Variants in LRMDA observed in about 807,000 individuals in gnomAD.
LRMDA encodes the protein leucine-rich melanocyte differentiation-associated protein.
LRMDA carries 18 observed loss-of-function variants against 29.8 expected under a neutral mutation model. That is an observed-to-expected ratio of 0.60 (90% CI 0.42 to 0.90). LRMDA has a LOEUF of 0.90. Ranked by LOEUF, LRMDA falls within the 40% of genes least tolerant of loss-of-function variation. The probability of loss-of-function intolerance (pLI) is 0.00; values close to 1 mark genes in which losing one functional copy is unlikely to be tolerated. For synonymous variants in LRMDA, 125 were observed against 109.4 expected (o/e 1.14, Z -0.89); for missense variants, 273 against 273.9 (o/e 1.00, Z 0.02).
At chr10:76,021,319 A>G (rs1047037778) in intron 2 of LRMDA, among the ~76,000 whole-genome samples, 5 of 152,202 alleles carry the variant, frequency 3.3e-5, no homozygotes, top group South Asian at 2.1e-4. Flanking sequence ...GTGAAGATAA[A>G]ATGACCAGAC....
chr10:75,848,255 C>T (rs1844674950), intron 2 of LRMDA, among the ~76,000 whole-genome samples: 1 of 152,186 alleles, frequency 6.6e-6, no homozygotes, highest in African/African-American at 2.4e-5. Context: ...CATGCTACAG[C>T]ATGAATGAAC....
At chr10:75,673,215 T>C (rs1343731678) in intron 2 of LRMDA, among the ~76,000 whole-genome samples, 1 of 152,036 alleles carries the variant, frequency 6.6e-6, no homozygotes, top group African/African-American at 2.4e-5. Context: ...GGCTGTGGGG[T>C]TGAAGGTAAA....
At chr10:75,843,575 A>G (rs1333627683) in intron 2 of LRMDA, among the ~76,000 whole-genome samples, 1 of 152,210 alleles carries the variant, frequency 6.6e-6, no homozygotes, top group Non-Finnish European at 1.5e-5. Flanking sequence ...TCAGACACTC[A>G]GCTGTGAAGA....
chr10:76,540,018 C>T (rs752354638), intron 6 of LRMDA, among the ~76,000 whole-genome samples: 1 of 152,026 alleles, frequency 6.6e-6, no homozygotes, highest in Non-Finnish European at 1.5e-5. Flanking sequence ...TCCTTGTATA[C>T]ACATAACACA....
chr10:75,766,518 T>C lies in LRMDA; in HGVS notation c.132-269490T>C, dbSNP rs868111862. 3.9e-5 allele frequency among the ~76,000 whole-genome samples: 6 copies of C among 152,252 alleles called. No individual in the cohort carries two copies. In the South Asian group the frequency reaches 1.2e-3, roughly 31 times the overall value. ...GGCAATGAGAGGGATGTTTTTCTGCTTCTTCCTTCCGAACCCTTCCCTGGG... is the reference window on the plus strand; with the variant it reads ...GGCAATGAGAGGGATGTTTTTCTGCCTCTTCCTTCCGAACCCTTCCCTGGG... On this transcript the variant is annotated intron_variant, in intron 2 of 6. Transcript: ENST00000611255.
chr10:76,437,526 A>C (rs566207244), intron 6 of LRMDA: 3 of 152,378 alleles, frequency 2.0e-5, no homozygotes, highest in South Asian at 4.1e-4. Context: ...TTCTCTGGGT[A>C]AATCCTGAAT....
At chr10:76,371,867 T>C (rs1841458760) in intron 6 of LRMDA, among the ~76,000 whole-genome samples, 1 of 152,154 alleles carries the variant, frequency 6.6e-6, no homozygotes, top group Non-Finnish European at 1.5e-5. Context: ...TGGACGCTTA[T>C]CACTAGGGTC....
intron 2 of LRMDA, among the ~76,000 whole-genome samples, chr10:75,891,966 G>T (rs1845499692): frequency 6.6e-6 from 1 of 152,168 alleles, no homozygotes; most frequent in African/African-American, 2.4e-5. Flanking sequence ...CAGGACTGGA[G>T]CTAGAAACTT....
intron 6 of LRMDA, among the ~76,000 whole-genome samples, chr10:76,349,402 T>C (rs1040079197): frequency 6.6e-6 from 1 of 152,136 alleles, no homozygotes; most frequent in African/African-American, 2.4e-5. Context: ...CCACTCCTGC[T>C]ATATGTATAG....
intron 2 of LRMDA, among the ~76,000 whole-genome samples, chr10:75,846,762 T>C (rs1844645660): frequency 6.6e-6 from 1 of 152,020 alleles, no homozygotes; most frequent in Non-Finnish European, 1.5e-5. Flanking sequence ...AACAAACCCA[T>C]TTATAATAGC....
intron 5 of LRMDA, among the ~76,000 whole-genome samples, chr10:76,174,739 A>G (rs1435961288): frequency 6.6e-6 from 1 of 152,178 alleles, no homozygotes; most frequent in Non-Finnish European, 1.5e-5. Context: ...CGGAAACAGA[A>G]TGGGTTTTGG....
chr10:76,077,923 C>A (rs1211764257), intron 5 of LRMDA, among the ~76,000 whole-genome samples: 1 of 150,996 alleles, frequency 6.6e-6, no homozygotes, highest in Non-Finnish European at 1.5e-5. Context: ...CAGGCCATGC[C>A]CTCTGGTATA....
At chr10:76,408,579 T>C (rs1394401208) in intron 6 of LRMDA, among the ~76,000 whole-genome samples, 1 of 152,236 alleles carries the variant, frequency 6.6e-6, no homozygotes, top group African/African-American at 2.4e-5. Flanking sequence ...CTCATTTATA[T>C]TGATGTGATT....
At chr10:76,398,844 C>T (rs1841817950) in intron 6 of LRMDA, among the ~76,000 whole-genome samples, 1 of 152,118 alleles carries the variant, frequency 6.6e-6, no homozygotes, top group South Asian at 2.1e-4. Flanking sequence ...TTCCTTATTC[C>T]CACTTGATGC....
intron 6 of LRMDA, among the ~76,000 whole-genome samples, chr10:76,440,651 T>C (rs114640276): frequency 0.012 from 1,881 of 152,256 alleles, 24 homozygotes; most frequent in African/African-American, 0.04. Flanking sequence ...CATTATTACA[T>C]GACTGGAAAT....
At chr10:75,890,743 G>A (rs1451441154) in intron 2 of LRMDA, among the ~76,000 whole-genome samples, 1 of 152,158 alleles carries the variant, frequency 6.6e-6, no homozygotes, top group African/African-American at 2.4e-5. Flanking sequence ...CTGTAGTGTT[G>A]TGTCATGTCA....
chr10:76,460,438 G>T (rs1842500375), intron 6 of LRMDA, among the ~76,000 whole-genome samples: 1 of 152,246 alleles, frequency 6.6e-6, no homozygotes. Context: ...CAGAATTGCT[G>T]TGTGTCTGAT....
Position 75,597,618 on chromosome 10 carries a change from G to A in LRMDA, c.131+159124G>A, listed in dbSNP as rs988597018. Among the ~76,000 whole-genome samples the A allele has an allele frequency of 4.9e-4, 74 of 152,110 alleles. 4 individuals carry two copies. The highest frequency in any genetic ancestry group is 5.9e-5 in the Non-Finnish European group (4 of 68,036). ...TTTCATATCAGTCTAAAATGAAACT[G>A]TGGGGATGTTTTATCCCCCTCTCTC... On this transcript the variant is annotated intron_variant, in intron 2 of 6. Transcript: ENST00000611255.
chr10:75,453,366 G>A (rs1844481000), intron 2 of LRMDA, among the ~76,000 whole-genome samples: 1 of 152,182 alleles, frequency 6.6e-6, no homozygotes, highest in African/African-American at 2.4e-5. Flanking sequence ...AAAAACATAG[G>A]TTGATGGCAC....
Sources: gnomAD v4.1 joint callset for allele counts (sites outside exome capture counted in the v4.1 genomes callset) on GRCh38, gnomAD v4.1.1 for gene constraint, MANE v1.5 for transcripts, NCBI Gene and HGNC (gene_info 2026-07-23, HGNC 2026-07-21) for gene names.